Variants in DGKB observed in about 807,000 individuals in gnomAD.
DGKB encodes the protein diacylglycerol kinase beta, also known as 90 kDa diacylglycerol kinase.
DGKB carries 67 observed loss-of-function variants against 114.3 expected under a neutral mutation model. The ratio of observed to expected loss-of-function variants is 0.59; its 90% CI spans 0.48 to 0.72. The LOEUF (loss-of-function observed/expected upper bound fraction) is 0.72. Among genes scored for constraint, DGKB ranks in the 30% least tolerant of loss-of-function variants. The probability of loss-of-function intolerance (pLI) is 0.00; values close to 1 mark genes in which losing one functional copy is unlikely to be tolerated. For missense variants in DGKB, 907 were observed against 975.2 expected (o/e 0.93, Z 0.93); for synonymous variants, 398 against 323.1 (o/e 1.23, Z -2.49).
At chr7:14,510,959 A>G (rs541112984) in intron 20 of DGKB, among the ~76,000 whole-genome samples, 3 of 152,344 alleles carry the variant, frequency 2.0e-5, no homozygotes, top group Non-Finnish European at 2.9e-5. Flanking sequence ...GGATGAAAAT[A>G]TTCAGTAAAC....
chr7:14,770,993 G>C (rs920645264), intron 2 of DGKB, among the ~76,000 whole-genome samples: 1 of 151,948 alleles, frequency 6.6e-6, no homozygotes, highest in Non-Finnish European at 1.5e-5. Context: ...AATTAAATAA[G>C]TTTTATTGGG....
At chr7:14,715,858 T>C (rs911392848) in intron 6 of DGKB, among the ~76,000 whole-genome samples, 2 of 152,142 alleles carry the variant, frequency 1.3e-5, no homozygotes, top group Admixed American at 6.6e-5. Flanking sequence ...CAAAACCCTA[T>C]TGAGGATGTT....
intron 9 of DGKB, among the ~76,000 whole-genome samples, chr7:14,691,980 G>T (rs1480621960): frequency 1.3e-5 from 2 of 151,854 alleles, no homozygotes; most frequent in Admixed American, 6.6e-5. Flanking sequence ...TTAATAGAGT[G>T]CACATTAAAT....
At chr7:14,354,645 G>C (rs1814113146) in intron 21 of DGKB, among the ~76,000 whole-genome samples, 1 of 152,116 alleles carries the variant, frequency 6.6e-6, no homozygotes. Flanking sequence ...AGCAAATTGA[G>C]AGCCTTCTTT....
chr7:14,817,284 T>G, intron 2 of DGKB, among the ~76,000 whole-genome samples: 1 of 152,208 alleles, frequency 6.6e-6, no homozygotes, highest in East Asian at 1.9e-4. Flanking sequence ...GTCTGAGGAA[T>G]GTTGTAAAGT....
intron 1 of DGKB, among the ~76,000 whole-genome samples, chr7:14,939,605 T>C (rs1458209822): frequency 6.7e-6 from 1 of 149,446 alleles, no homozygotes; most frequent in African/African-American, 2.5e-5. Flanking sequence ...GAAACTGCTA[T>C]CATGAAAATA....
intron 21 of DGKB, among the ~76,000 whole-genome samples, chr7:14,353,086 C>T (rs1813780763): frequency 6.6e-6 from 1 of 152,146 alleles, no homozygotes; most frequent in Non-Finnish European, 1.5e-5. Flanking sequence ...AGAAGTGATG[C>T]TTCCAACATT....
chr7:14,239,759 G>A (rs1234193005), intron 23 of DGKB, among the ~76,000 whole-genome samples: 1 of 151,990 alleles, frequency 6.6e-6, no homozygotes, highest in African/African-American at 2.4e-5. Context: ...GCAAGCCTAA[G>A]TGGTAAAATA....
chr7:14,253,764 C>T (rs1795576954), intron 23 of DGKB, among the ~76,000 whole-genome samples: 1 of 152,184 alleles, frequency 6.6e-6, no homozygotes, highest in African/African-American at 2.4e-5. Context: ...CTGTGTTAGA[C>T]TTCTGTCAGA....
intron 13 of DGKB, among the ~76,000 whole-genome samples, chr7:14,646,874 A>G (rs1421716267): frequency 1.3e-5 from 2 of 151,876 alleles, no homozygotes; most frequent in African/African-American, 2.4e-5. Flanking sequence ...ATAAAAAATT[A>G]AAATATTTAA....
chr7:14,858,878 G>A (rs1192956906), intron 1 of DGKB, among the ~76,000 whole-genome samples: 2 of 152,138 alleles, frequency 1.3e-5, no homozygotes, highest in Non-Finnish European at 2.9e-5. Flanking sequence ...CATAGGTTCC[G>A]GGAAAAGTAA....
intron 5 of DGKB, among the ~76,000 whole-genome samples, chr7:14,727,694 G>A (rs533460446): frequency 1.3e-5 from 2 of 152,222 alleles, no homozygotes; most frequent in African/African-American, 4.8e-5. Context: ...CACAAGCTAT[G>A]TAGTCTGTTC....
chr7:14,421,754 G>C (rs1388730445), intron 21 of DGKB, among the ~76,000 whole-genome samples: 1 of 151,970 alleles, frequency 6.6e-6, no homozygotes, highest in East Asian at 1.9e-4. Context: ...TATCAACTTT[G>C]AATAGGCACA....
At chr7:14,528,277 G>C (rs924832280) in intron 20 of DGKB, among the ~76,000 whole-genome samples, 13 of 152,030 alleles carry the variant, frequency 8.6e-5, no homozygotes, top group African/African-American at 2.7e-4. Flanking sequence ...TTTTTGCCCT[G>C]ATGCAGACTG....
At chr7:14,331,769 G>A (rs910260952) in intron 23 of DGKB, among the ~76,000 whole-genome samples, 6 of 152,054 alleles carry the variant, frequency 3.9e-5, no homozygotes, top group Admixed American at 6.5e-5. Context: ...TTTCACAGAC[G>A]TCAGCTCATT....
At chr7:14,919,575 T>G (rs536488273) in intron 1 of DGKB, among the ~76,000 whole-genome samples, 2 of 152,312 alleles carry the variant, frequency 1.3e-5, no homozygotes, top group South Asian at 2.1e-4. Context: ...TCGCAAGGTT[T>G]TAATTGCAAA....
At chr7:14,873,881 A>C (rs1222452951) in intron 1 of DGKB, among the ~76,000 whole-genome samples, 2 of 152,090 alleles carry the variant, frequency 1.3e-5, no homozygotes, top group Non-Finnish European at 2.9e-5. Context: ...TTACATTGGT[A>C]TCCTCTTTGT....
chr7:14,652,635 C>A lies in DGKB; in HGVS notation c.1134+20294G>T, dbSNP rs567163864. On this transcript the variant is annotated intron_variant, in intron 13 of 25. Coordinates refer to ENST00000402815, the MANE Select transcript of DGKB (RefSeq NM_001350709.2). ...ACACCAAAAGCAATGGCAACAAAAG[C>A]CAAAATTGACAAATGGGATCTAATT... is the stretch of plus-strand genomic sequence containing the variant. Among the ~76,000 whole-genome samples, 1,022 of 149,248 alleles carry A rather than the reference C, an allele frequency of 6.8e-3. 12 individuals carry two copies. The highest frequency in any genetic ancestry group is 0.023 in the African/African-American group (937 of 40,494).
rs549677110 is a variant in DGKB at position 14,965,187 on chromosome 7, G to A, written c.-188+9509C>T. Among the ~76,000 whole-genome samples, 41 of 152,192 alleles carry A rather than the reference G, an allele frequency of 2.7e-4. 1 individual carries two copies. The highest frequency in any genetic ancestry group is 2.3e-3 in the South Asian group (11 of 4,828). On this transcript the variant is annotated intron_variant, in intron 1 of 4. Transcript: ENST00000437998. Reference sequence around the variant, plus strand: ...ATATGCAAGTAGAAAAATCCTAGAAGCAGTAGGTTATATTGGTTTATACTT... The same window carrying A: ...ATATGCAAGTAGAAAAATCCTAGAAACAGTAGGTTATATTGGTTTATACTT...
Sources: allele counts gnomAD v4.1 joint callset (sites outside exome capture counted in the v4.1 genomes callset), GRCh38; gene constraint gnomAD v4.1.1; transcripts MANE v1.5; gene names NCBI Gene and HGNC (gene_info 2026-07-23, HGNC 2026-07-21).